Variants in BRAF observed in about 807,000 individuals in gnomAD.
The protein encoded by BRAF is serine/threonine-protein kinase B-raf.
Under a neutral mutation model 104.6 loss-of-function variants are expected in BRAF, and 16 were observed. That is an observed-to-expected ratio of 0.15 (90% CI 0.10 to 0.23). BRAF has a LOEUF of 0.23. BRAF is among the 10% of genes least tolerant of loss of function. BRAF has a pLI of 1.00. For synonymous variants in BRAF, 310 were observed against 341.6 expected, an observed-to-expected ratio of 0.91 and a Z score of 1.02; for missense variants, 541 against 937.3, an observed-to-expected ratio of 0.58 and a Z score of 5.52.
intron 1 of BRAF, among the ~76,000 whole-genome samples, chr7:140,858,688 T>A (rs527638189): frequency 6.6e-6 from 1 of 152,194 alleles, no homozygotes; most frequent in Non-Finnish European, 1.5e-5. Context: ...AGATGTAAGA[T>A]GATAGAATTT....
intron 1 of BRAF, among the ~76,000 whole-genome samples, chr7:140,915,391 T>C (rs768127256): frequency 3.3e-5 from 5 of 151,652 alleles, no homozygotes; most frequent in Admixed American, 6.6e-5. Context: ...AGAAAAAATA[T>C]AAAACAAAAG....
At chr7:140,876,953 T>C (rs1295378395) in intron 1 of BRAF, among the ~76,000 whole-genome samples, 2 of 152,192 alleles carry the variant, frequency 1.3e-5, no homozygotes, top group East Asian at 1.9e-4. Flanking sequence ...CTGACCATAA[T>C]AGAATTAAAC....
At chr7:140,758,821 A>G (rs1798418475) in intron 14 of BRAF, among the ~76,000 whole-genome samples, 1 of 152,238 alleles carries the variant, frequency 6.6e-6, no homozygotes, top group Non-Finnish European at 1.5e-5. Context: ...TTACATGGAC[A>G]GTTTTAAAAG....
downstream of BRAF, among the ~76,000 whole-genome samples, chr7:140,716,098 A>G (rs1487444012): frequency 2.0e-5 from 3 of 152,244 alleles, no homozygotes; most frequent in Non-Finnish European, 4.4e-5. Flanking sequence ...AACAGTATTT[A>G]CCATGATGCA....
intron 19 of BRAF, chr7:140,732,345 T>G (rs1391638271): frequency 1.3e-5 from 2 of 151,258 alleles, no homozygotes; most frequent in African/African-American, 4.9e-5. Flanking sequence ...TTAGAAAAAA[T>G]AATGTTTTTA....
chr7:140,758,252 T>C (rs965459924), intron 14 of BRAF: 1 of 152,144 alleles, frequency 6.6e-6, no homozygotes, highest in African/African-American at 2.4e-5. Flanking sequence ...ATTACAGCCT[T>C]CCTTATACTT....
intron 3 of BRAF, among the ~76,000 whole-genome samples, chr7:140,820,776 C>T (rs1343266450): frequency 1.3e-5 from 2 of 151,938 alleles, no homozygotes; most frequent in African/African-American, 4.8e-5. Flanking sequence ...CCTACCTCTA[C>T]AAAAAAATTT....
At chr7:140,789,957 T>C (rs1562961084) in intron 8 of BRAF, among the ~76,000 whole-genome samples, 2 of 152,348 alleles carry the variant, frequency 1.3e-5, no homozygotes, top group Middle Eastern at 3.4e-3. Flanking sequence ...CTTGAACTCC[T>C]GACCTCAGGC....
intron 1 of BRAF, among the ~76,000 whole-genome samples, chr7:140,896,739 AC>A (rs1363663170): frequency 2.6e-5 from 4 of 151,784 alleles, no homozygotes; most frequent in Non-Finnish European, 5.9e-5. Context: ...GGTGGTGTGC[AC>A]CTATAGTCCC....
chr7:140,842,453 G>A (rs1174726788), intron 2 of BRAF, among the ~76,000 whole-genome samples: 1 of 152,164 alleles, frequency 6.6e-6, no homozygotes, highest in Admixed American at 6.5e-5. Context: ...GGGACTGTAG[G>A]ATTCAACCAT....
intron 5 of BRAF, 93 bp downstream of exon 5, chr7:140,807,867 T>C (rs1391094277): frequency 1.0e-5 from 10 of 954,778 alleles, no homozygotes; most frequent in Non-Finnish European, 1.6e-5. Flanking sequence ...GTTCCAAAAT[T>C]ACTCATCCAT....
intron 18 of BRAF, 26 bp from the exon 18 acceptor site, chr7:140,734,796 A>AT (rs1796258265): frequency 7.7e-6 from 9 of 1,175,140 alleles, no homozygotes; most frequent in South Asian, 1.6e-5. Flanking sequence ...GAAAAAAAAA[A>AT]GAAAAAAAAA....
chr7:140,800,440 G>A lies in BRAF; in HGVS notation c.902C>T (p.Pro301Leu). The change falls in exon 7 of 20, where the codon CCA becomes CTA. Residue 301 changes from proline to leucine, a missense_variant. Around this residue, in one of 10 missense-constraint regions of BRAF, gnomAD observed 79 missense variants for 74.6 expected, o/e 1.06. Coordinates refer to ENST00000644969, the MANE Select transcript of BRAF (RefSeq NM_001374258.1). Reference protein sequence around the residue: ...VSKFFEHHPIPQEEASLAETA... With the variant: ...VSKFFEHHPILQEEASLAETA... ...CTCTGCTAAGGACGCCTCTTCCTGT[G>A]GTATTGGGTGGTGTTCAAAGAACTT... 6.2e-7 allele frequency: 1 copy of A among 1,614,096 alleles called. No homozygotes were observed. The highest frequency in any genetic ancestry group is 8.5e-7 in the Non-Finnish European group (1 of 1,180,008).
In BRAF at chr7:140,722,359, C is replaced by A. The variant is rs1017225410; in HGVS notation, c.*4135G>T. 2.5e-5 allele frequency: 26 copies of A among 1,054,710 alleles called. No individual in the cohort carries two copies. Among genetic ancestry groups the A allele is most frequent in the Admixed American group, 5.4e-5 (1 of 18,368 alleles). 65.3% of individuals were successfully genotyped at this position (1,054,710 alleles called of 1,614,324 possible). A position where few individuals can be genotyped will look rare whatever the true frequency, so the allele number is the denominator to read the frequency against. ...AAATTATTAACACAGCTGAGTTAAA[C>A]CAGAGTGGCTGCTCTCTTCACAAAT... On this transcript the variant is annotated 3_prime_UTR_variant, in exon 20 of 20. Transcript: ENST00000644969.
intron 2 of BRAF, among the ~76,000 whole-genome samples, chr7:140,838,276 G>A (rs1807564432): frequency 6.6e-6 from 1 of 152,030 alleles, no homozygotes; most frequent in African/African-American, 2.4e-5. Context: ...TTCTTTATAT[G>A]GCAAATTTTT....
At chr7:140,922,370 A>C (rs1818319850) in intron 1 of BRAF, among the ~76,000 whole-genome samples, 1 of 152,194 alleles carries the variant, frequency 6.6e-6, no homozygotes, top group African/African-American at 2.4e-5. Flanking sequence ...CTCACTTACT[A>C]AATCAGACTC....
At chr7:140,906,087 CAAAAAAAAAA>C (rs61150735) in intron 1 of BRAF, among the ~76,000 whole-genome samples, 2 of 44,714 alleles carry the variant, frequency 4.5e-5, no homozygotes, top group African/African-American at 1.0e-4. Flanking sequence ...GACTCCGTCT[CAAAAAAAAAA>C]AAAAAAAAAA....
rs979014759 is a variant in BRAF at position 140,765,523 on chromosome 7, T to C, written c.1815-11290A>G. 3.3e-3 allele frequency among the ~76,000 whole-genome samples: 495 copies of C among 151,908 alleles called. 3 individuals are homozygous for C. The highest frequency in any genetic ancestry group is 0.011 in the African/African-American group (473 of 41,422). Reference sequence around the variant, plus strand: ...CAGAGTGAACAGGCAACCTACAAAATGGGAGAAAATTTTCGCAACCTACTC... The same window carrying C: ...CAGAGTGAACAGGCAACCTACAAAACGGGAGAAAATTTTCGCAACCTACTC... On this transcript the variant is annotated intron_variant, in intron 14 of 19. Coordinates refer to ENST00000644969, the MANE Select transcript of BRAF (RefSeq NM_001374258.1).
chr7:140,878,881 T>A (rs1276426852), intron 1 of BRAF, among the ~76,000 whole-genome samples: 1 of 152,116 alleles, frequency 6.6e-6, no homozygotes, highest in Non-Finnish European at 1.5e-5. Context: ...GTATCCATTT[T>A]TTTTTCCTTT....
Sources: gnomAD v4.1 joint callset for allele counts (sites outside exome capture counted in the v4.1 genomes callset) on GRCh38, gnomAD v4.1.1 for gene constraint, gnomAD v4.1.1 regional missense constraint, MANE v1.5 for transcripts, NCBI Gene and HGNC (gene_info 2026-07-23, HGNC 2026-07-21) for gene names.